The following TACC1 variants were observed in gnomAD, a reference collection of about 807,000 sequenced individuals.
TACC1 encodes the protein transforming acidic coiled-coil containing protein 1.
In TACC1, 48 loss-of-function variants were observed where a neutral mutation model predicts 84.4. The observed-to-expected ratio is 0.57, with a 90% CI of 0.45 to 0.72. TACC1 has a LOEUF of 0.72. Among genes scored for constraint, TACC1 ranks in the 30% least tolerant of loss-of-function variants. The probability of loss-of-function intolerance (pLI) is 0.00; values close to 1 mark genes in which losing one functional copy is unlikely to be tolerated. For missense variants in TACC1, 920 were observed against 973.0 expected (o/e 0.95, Z 0.72); for synonymous variants, 372 against 376.3 (o/e 0.99, Z 0.13).
chr8:38,820,667 CTG>C (rs1826584894), intron 3 of TACC1, 32 bp downstream of exon 3: 6 of 1,578,424 alleles, frequency 3.8e-6, no homozygotes, highest in African/African-American at 1.3e-5. Context: ...GTGTCGTGCT[CTG>C]TGTCTTGTCT....
intron 3 of TACC1, among the ~76,000 whole-genome samples, chr8:38,771,256 A>C (rs1392465511): frequency 6.6e-6 from 1 of 152,140 alleles, no homozygotes; most frequent in Admixed American, 6.5e-5. Flanking sequence ...TGGAGCCAGG[A>C]TCTCCAAACC....
intron 6 of TACC1, among the ~76,000 whole-genome samples, chr8:38,835,941 T>C (rs1404496247): frequency 2.0e-5 from 3 of 152,270 alleles, no homozygotes; most frequent in Non-Finnish European, 4.4e-5. Flanking sequence ...CTAGGTTATC[T>C]GCTCAACAGA....
intron 1 of TACC1, among the ~76,000 whole-genome samples, chr8:38,740,786 A>C (rs1231766225): frequency 6.6e-6 from 1 of 152,190 alleles, no homozygotes; most frequent in Non-Finnish European, 1.5e-5. Flanking sequence ...GCAGGCACAG[A>C]GTCATTTTAG....
rs545655076 is a variant in TACC1 at position 38,798,020 on chromosome 8, G to A, written c.277+9201G>A. Among the ~76,000 whole-genome samples the A allele has an allele frequency of 1.2e-3, 182 of 152,350 alleles. 1 individual carries two copies. Among genetic ancestry groups the A allele is most frequent in the African/African-American group, 4.2e-3 (176 of 41,592 alleles). On this transcript the variant is annotated intron_variant, in intron 2 of 12. Coordinates refer to ENST00000317827, the MANE Select transcript of TACC1 (RefSeq NM_006283.3). The stretch of plus-strand genomic sequence containing the variant: ...TGCTGGATTGGCTTCTCTGGAGGAG[G>A]CTTTGGCTTCCTGGTGGGTGGACAC...
At chr8:38,827,516 T>G (rs1347151913) in intron 5 of TACC1, 141 bp downstream of exon 5, 1 of 837,108 alleles carries the variant, frequency 1.2e-6, no homozygotes, top group Non-Finnish European at 1.8e-6. Context: ...TATGCTTTGC[T>G]TCTTTACCTG....
intron 8 of TACC1, chr8:38,839,424 A>T (rs1174219995): frequency 7.7e-6 from 3 of 387,394 alleles, no homozygotes; most frequent in Non-Finnish European, 1.4e-5. Context: ...TCAACACTTG[A>T]ATGATTAAAA....
At chr8:38,836,707 C>T (rs187253528) in intron 7 of TACC1, among the ~76,000 whole-genome samples, 10 of 152,292 alleles carry the variant, frequency 6.6e-5, no homozygotes, top group East Asian at 1.9e-4. Context: ...TTCAACTCTC[C>T]GATTCCTGTA....
intron 3 of TACC1, among the ~76,000 whole-genome samples, chr8:38,752,575 C>A (rs1032164078): frequency 5.0e-4 from 76 of 152,118 alleles, no homozygotes; most frequent in African/African-American, 1.7e-3. Context: ...GAAACCTTAA[C>A]CACGGACATG....
intron 2 of TACC1, among the ~76,000 whole-genome samples, chr8:38,806,967 C>T (rs13280237): frequency 0.29 from 43,760 of 152,016 alleles, 7,075 homozygotes; most frequent in Non-Finnish European, 0.37. Flanking sequence ...CATACCCTCG[C>T]CCAGGTTTGA....
intron 2 of TACC1, among the ~76,000 whole-genome samples, chr8:38,808,246 G>T (rs182611426): frequency 6.6e-6 from 1 of 152,196 alleles, no homozygotes; most frequent in African/African-American, 2.4e-5. Flanking sequence ...GCACATGAAG[G>T]TAGGTTAGTT....
chr8:38,792,988 T>A (rs1819098238), intron 2 of TACC1, among the ~76,000 whole-genome samples: 1 of 152,172 alleles, frequency 6.6e-6, no homozygotes, highest in South Asian at 2.1e-4. Context: ...GGGTGCCCTC[T>A]GCCCCTTGAG....
chr8:38,742,232 C>T (rs954717510), intron 1 of TACC1: 21 of 449,014 alleles, frequency 4.7e-5, no homozygotes, highest in African/African-American at 3.8e-4. Flanking sequence ...CACAGAGTGG[C>T]TGGTAGAACT....
exon 1 of TACC1, chr8:38,728,643 G>A (rs1321527228): frequency 2.0e-5 from 3 of 152,352 alleles, no homozygotes; most frequent in Non-Finnish European, 1.5e-5. Flanking sequence ...CGACCCTGGG[G>A]ACCGACTCTG....
At chr8:38,839,297 C>A (rs529057057) in intron 8 of TACC1, 2 of 394,940 alleles carry the variant, frequency 5.1e-6, no homozygotes, top group South Asian at 1.3e-4. Context: ...GACTTGAAAT[C>A]GAAATCTTTT....
chr8:38,788,504 A>G (rs1817853842), intron 1 of TACC1, 200 bp from the exon 2 acceptor site: 1 of 486,964 alleles, frequency 2.1e-6, no homozygotes, highest in Non-Finnish European at 3.7e-6. Flanking sequence ...TCAGAGAGAC[A>G]GGATGCCAGC....
Position 38,848,274 on chromosome 8 carries a change from G to T in TACC1, c.*251G>T. The T allele has an allele frequency of 2.9e-6, 1 of 345,004 alleles. No individual in the cohort carries two copies. 21.4% of individuals were successfully genotyped at this position (345,004 alleles called of 1,614,324 possible). ...GAGCCTCCTAGTTTCCCCCTATGAA[G>T]GTTCCCTTAGGCTGCTGAGTTTGGG... On this transcript the variant is annotated 3_prime_UTR_variant, in exon 13 of 13. Coordinates refer to ENST00000317827, the MANE Select transcript of TACC1 (RefSeq NM_006283.3).
intron 1 of TACC1, among the ~76,000 whole-genome samples, chr8:38,740,963 C>T (rs941152594): frequency 6.6e-6 from 1 of 152,094 alleles, no homozygotes; most frequent in Non-Finnish European, 1.5e-5. Context: ...CTCTCTGGCT[C>T]GCGAGTATCC....
At chr8:38,755,747 A>G (rs562361298) in intron 3 of TACC1, among the ~76,000 whole-genome samples, 3,695 of 93,778 alleles carry the variant, frequency 0.039, 163 homozygotes, top group African/African-American at 0.12. Flanking sequence ...CAACAACAAC[A>G]ACAACAGAGT....
intron 2 of TACC1, among the ~76,000 whole-genome samples, chr8:38,807,282 G>A (rs1191334589): frequency 6.6e-6 from 1 of 152,132 alleles, no homozygotes; most frequent in Non-Finnish European, 1.5e-5. Flanking sequence ...GGTCTTTCTG[G>A]TCGTCAGCCC....
Sources: allele counts gnomAD v4.1 joint callset (sites outside exome capture counted in the v4.1 genomes callset), GRCh38; gene constraint gnomAD v4.1.1; transcripts MANE v1.5; gene names NCBI Gene and HGNC (gene_info 2026-07-23, HGNC 2026-07-21).